NOX3: variants seen among roughly 807,000 people sequenced by gnomAD.
The protein encoded by NOX3 is NADPH oxidase 3, also known as NADPH oxidase catalytic subunit-like 3.
NOX3 carries 74 observed loss-of-function variants against 76.7 expected under a neutral mutation model. That is an observed-to-expected ratio of 0.96 (90% confidence interval 0.80 to 1.17). The LOEUF (loss-of-function observed/expected upper bound fraction) is 1.17. Among genes scored for constraint, NOX3 ranks in the 50% most tolerant of loss-of-function variants. NOX3 has a pLI of 0.00. For missense variants in NOX3, 695 were observed against 703.3 expected (o/e 0.99, Z 0.13); for synonymous variants, 263 against 261.1 (o/e 1.01, Z -0.07).
chr6:155,439,068 G>A (rs1369054985), intron 6 of NOX3, among the ~76,000 whole-genome samples: 1 of 152,088 alleles, frequency 6.6e-6, no homozygotes, highest in East Asian at 1.9e-4. Context: ...GGACCTTGAG[G>A]GCATCACTTA....
chr6:155,428,076 TTTTTAGTAGAGATGGGG>T (rs139132838), intron 9 of NOX3, among the ~76,000 whole-genome samples: 72,554 of 151,544 alleles, frequency 0.48, 17,757 homozygotes, highest in Admixed American at 0.52. Flanking sequence ...AATTTTTGTA[TTTTTAGTAGAGATGGGG>T]TTTTGCCATG....
chr6:155,420,418 A>G (rs1776674601), intron 10 of NOX3, among the ~76,000 whole-genome samples: 1 of 152,250 alleles, frequency 6.6e-6, no homozygotes, highest in Non-Finnish European at 1.5e-5. Flanking sequence ...AGGGTGGCTG[A>G]AAAATCATCA....
rs140214056 is a variant in NOX3, at chr6:155,431,413, A to AAAACACACACACACAC, written c.799-479_799-478insGTGTGTGTGTGTGTTT. Among the ~76,000 whole-genome samples the AAAACACACACACACAC allele has an allele frequency of 3.1e-3, 443 of 144,724 alleles. 4 individuals are homozygous for AAAACACACACACACAC. The highest frequency in any genetic ancestry group is 4.6e-3 in the Non-Finnish European group (308 of 66,582). 94.9% of individuals were successfully genotyped at this position (144,724 alleles called of 152,430 possible). ...CAGGGTCTGCCTGAATAAACACAGA[A>AAAACACACACACACAC]ACACACACACACACACACACACACA... On this transcript the variant is annotated intron_variant, in intron 7 of 13. Transcript: ENST00000159060.
At chr6:155,427,002 T>C (rs1244534105) in intron 9 of NOX3, among the ~76,000 whole-genome samples, 4 of 131,382 alleles carry the variant, frequency 3.0e-5, no homozygotes, top group East Asian at 2.4e-4. Context: ...TGTGTGTGTG[T>C]GTGTGTGTGT....
intron 11 of NOX3, among the ~76,000 whole-genome samples, chr6:155,409,043 G>A (rs1169634090): frequency 2.0e-5 from 3 of 152,072 alleles, no homozygotes; most frequent in Non-Finnish European, 4.4e-5. Context: ...CCACCAGTAT[G>A]CGCTATACCC....
intron 13 of NOX3, among the ~76,000 whole-genome samples, chr6:155,396,344 T>C (rs966593261): frequency 2.0e-5 from 3 of 152,194 alleles, no homozygotes; most frequent in Non-Finnish European, 2.9e-5. Context: ...TGGGTGTCTC[T>C]GCCATCAGGG....
chr6:155,439,171 A>G (rs575073898), intron 6 of NOX3, among the ~76,000 whole-genome samples: 5 of 152,328 alleles, frequency 3.3e-5, no homozygotes, highest in Admixed American at 6.5e-5. Flanking sequence ...TTGATCATGT[A>G]TATGAATGTG....
intron 5 of NOX3, among the ~76,000 whole-genome samples, chr6:155,440,389 A>G (rs1776968068): frequency 6.6e-6 from 1 of 152,134 alleles, no homozygotes; most frequent in Non-Finnish European, 1.5e-5. Context: ...AAAATTTCGT[A>G]AAATACCATT....
chr6:155,446,391 T>TTATCTCG (rs1423213919), intron 4 of NOX3, among the ~76,000 whole-genome samples: 21 of 152,212 alleles, frequency 1.4e-4, no homozygotes, highest in African/African-American at 5.1e-4. Flanking sequence ...AAGCAGGTAG[T>TTATCTCG]ACGTCTCATA....
intron 4 of NOX3, among the ~76,000 whole-genome samples, chr6:155,446,869 C>G (rs897930415): frequency 6.6e-6 from 1 of 152,096 alleles, no homozygotes; most frequent in Non-Finnish European, 1.5e-5. Flanking sequence ...GACTAGGGCA[C>G]TCCAGACAGG....
intron 4 of NOX3, among the ~76,000 whole-genome samples, chr6:155,445,901 T>A (rs1045079503): frequency 1.1e-4 from 14 of 128,474 alleles, no homozygotes; most frequent in South Asian, 2.2e-4. Context: ...ATATATATAT[T>A]ATATATATGC....
chr6:155,435,716 C>T (rs181408472), intron 7 of NOX3, among the ~76,000 whole-genome samples: 6 of 152,130 alleles, frequency 3.9e-5, no homozygotes, highest in Admixed American at 3.3e-4. Flanking sequence ...CTTGGTTGTC[C>T]CAAAGATTTG....
At chr6:155,421,871 T>C (rs1224356510) in intron 10 of NOX3, among the ~76,000 whole-genome samples, 3 of 152,196 alleles carry the variant, frequency 2.0e-5, no homozygotes, top group Non-Finnish European at 4.4e-5. Flanking sequence ...TTAAGTTCCT[T>C]TGACTACGGA....
At chr6:155,403,371 T>C (rs1261675720) in intron 12 of NOX3, among the ~76,000 whole-genome samples, 1 of 152,182 alleles carries the variant, frequency 6.6e-6, no homozygotes, top group African/African-American at 2.4e-5. Context: ...GACTTTGCCT[T>C]CATGTGTCTA....
intron 4 of NOX3, among the ~76,000 whole-genome samples, chr6:155,451,301 C>T (rs1227720438): frequency 1.3e-5 from 2 of 151,990 alleles, no homozygotes; most frequent in African/African-American, 4.8e-5. Context: ...CTTTTAACTC[C>T]ACAGAAGAAA....
At chr6:155,423,843 C>T (rs779684931) in intron 9 of NOX3, among the ~76,000 whole-genome samples, 15 of 151,124 alleles carry the variant, frequency 9.9e-5, no homozygotes, top group African/African-American at 2.7e-4. Flanking sequence ...TGGGTTCAAG[C>T]GACTCTTCTG....
intron 4 of NOX3, among the ~76,000 whole-genome samples, chr6:155,447,812 G>A (rs928938861): frequency 1.3e-5 from 2 of 152,100 alleles, no homozygotes; most frequent in Non-Finnish European, 2.9e-5. Flanking sequence ...CAGCAATCTT[G>A]GCTTGGAGCT....
chr6:155,414,115 G>A (rs1776592726), intron 10 of NOX3, among the ~76,000 whole-genome samples: 1 of 152,140 alleles, frequency 6.6e-6, no homozygotes, highest in South Asian at 2.1e-4. Context: ...AGTGACACTG[G>A]GCAGCTTTGG....
intron 13 of NOX3, 65 bp from the exon 14 acceptor site, chr6:155,395,639 T>A (rs904481752): frequency 1.3e-5 from 2 of 152,168 alleles, no homozygotes; most frequent in Admixed American, 6.5e-5. Flanking sequence ...ATACCAGTAG[T>A]AGTGTCTGGG....
Sources: allele counts gnomAD v4.1 joint callset (sites outside exome capture counted in the v4.1 genomes callset), GRCh38; gene constraint gnomAD v4.1.1; transcripts MANE v1.5; gene names NCBI Gene and HGNC (gene_info 2026-07-23, HGNC 2026-07-21).